TRIOBP: variants seen among roughly 807,000 people sequenced by gnomAD.
The protein encoded by TRIOBP is TRIO and F-actin binding protein.
In TRIOBP, 169 loss-of-function variants were observed where a neutral mutation model predicts 238.8. That is an observed-to-expected ratio of 0.71 (90% CI 0.62 to 0.80). The LOEUF is 0.80. Among genes scored for constraint, TRIOBP ranks in the 30% least tolerant of loss-of-function variants. The probability of loss-of-function intolerance (pLI) is 0.00; values close to 1 mark genes in which losing one functional copy is unlikely to be tolerated. For missense variants in TRIOBP, 2,838 were observed against 3,122.6 expected, an observed-to-expected ratio of 0.91 and a Z score of 2.17; for synonymous variants, 1,150 against 1,274.4, an observed-to-expected ratio of 0.90 and a Z score of 2.08.
intron 10 of TRIOBP, among the ~76,000 whole-genome samples, chr22:37,740,677 C>T (rs1003122953): frequency 3.9e-5 from 6 of 152,244 alleles, no homozygotes; most frequent in African/African-American, 1.4e-4. Flanking sequence ...GACGTGCACA[C>T]CTTCAAAGGT....
intron 17 of TRIOBP, among the ~76,000 whole-genome samples, chr22:37,764,961 A>G (rs929255643): frequency 2.4e-4 from 37 of 152,192 alleles, no homozygotes; most frequent in Admixed American, 2.2e-3. Context: ...GCAGGTCAGT[A>G]AATTACCCAG....
intron 4 of TRIOBP, among the ~76,000 whole-genome samples, chr22:37,711,448 A>G (rs1923229913): frequency 6.6e-6 from 1 of 151,934 alleles, no homozygotes; most frequent in African/African-American, 2.4e-5. Flanking sequence ...GCATGGTGGC[A>G]GGTGCCTGTA....
intron 17 of TRIOBP, among the ~76,000 whole-genome samples, chr22:37,762,727 C>T (rs922388110): frequency 4.6e-5 from 7 of 152,136 alleles, no homozygotes; most frequent in African/African-American, 1.4e-4. Context: ...AGAGCTGAGT[C>T]ATCTGTATCG....
In TRIOBP at chr22:37,771,745, T is replaced by C. The variant is rs1311378016; in HGVS notation, c.6936+9T>C. Reference sequence around the variant, plus strand: ...TCCAGATGATGCAGAAGGTAGGTCCTTCCGCTGGGCTGGGGGCCGTCGGGG... The same window carrying C: ...TCCAGATGATGCAGAAGGTAGGTCCCTCCGCTGGGCTGGGGGCCGTCGGGG... On this transcript the variant is annotated intron_variant, in intron 22 of 23. Coordinates refer to ENST00000644935, the MANE Select transcript of TRIOBP (RefSeq NM_001039141.3). 5 of 1,613,748 alleles carry C rather than the reference T, an allele frequency of 3.1e-6. No individual in the cohort carries two copies. In the South Asian group the frequency reaches 5.5e-5, roughly 18 times the overall value.
chr22:37,754,823 C>T (rs1451986917), intron 12 of TRIOBP, 54 bp from the exon 13 acceptor site: 2 of 1,583,634 alleles, frequency 1.3e-6, no homozygotes, highest in Non-Finnish European at 1.7e-6. Context: ...GGCAGCCACA[C>T]AGGACACCTG....
rs751440731 is a variant in TRIOBP at position 37,769,375 on chromosome 22, G to A, written c.6849G>A (p.Glu2283=). 2.5e-6 allele frequency: 4 copies of A among 1,600,024 alleles called. No homozygotes were observed. The African/African-American group carries it at 5.4e-5, about 21-fold the overall frequency. The change falls in exon 21 of 24, where the codon GAG becomes GAA. Residue 2283 remains glutamate, a splice_region_variant and synonymous_variant. Transcript: ENST00000644935. ...ACGAGCGGAGTTCCTGCGAGCTAGA[G>A]GTGAGTGTCCTCACTAGCACCAGGC... is the stretch of plus-strand genomic sequence containing the variant. ...RSNERSSCEL[E]VLLRVKENEL...
intron 17 of TRIOBP, among the ~76,000 whole-genome samples, chr22:37,764,641 G>A (rs556591107): frequency 6.6e-6 from 1 of 152,200 alleles, no homozygotes; most frequent in African/African-American, 2.4e-5. Context: ...CAGTGGGGTC[G>A]CAAAATGTGA....
rs1019235030 is a variant in TRIOBP at position 37,761,383 on chromosome 22, G to A, written c.6324+2119G>A. On this transcript the variant is annotated intron_variant, in intron 17 of 23. Transcript: ENST00000644935. ...GCAGGAGAATCGCTTGAACCCGGGA[G>A]GCAGAGGTTGCAGTGAGCTGAGATC... 5.9e-5 allele frequency among the ~76,000 whole-genome samples: 9 copies of A among 152,180 alleles called. 1 individual carries two copies. The highest frequency in any genetic ancestry group is 5.8e-4 in the East Asian group (3 of 5,196).
At chr22:37,738,165 T>C (rs915903985) in intron 9 of TRIOBP, among the ~76,000 whole-genome samples, 10 of 152,152 alleles carry the variant, frequency 6.6e-5, no homozygotes, top group African/African-American at 2.4e-4. Flanking sequence ...GAATGAATAA[T>C]AGACATCTTT....
chr22:37,761,864 A>G (rs1926261348), intron 17 of TRIOBP, among the ~76,000 whole-genome samples: 1 of 151,874 alleles, frequency 6.6e-6, no homozygotes, highest in Non-Finnish European at 1.5e-5. Flanking sequence ...TGTGCCCTGT[A>G]GCCTCCCACC....
intron 22 of TRIOBP, 104 bp from the exon 23 acceptor site, chr22:37,772,497 G>A (rs1926832964): frequency 3.3e-6 from 5 of 1,529,294 alleles, no homozygotes; most frequent in South Asian, 1.1e-5. Flanking sequence ...GGGATGAAGC[G>A]AGGTATCTGC....
At chr22:37,753,978 C>T (rs796238477) in intron 12 of TRIOBP, among the ~76,000 whole-genome samples, 2 of 152,274 alleles carry the variant, frequency 1.3e-5, no homozygotes, top group African/African-American at 4.8e-5. Context: ...CCACCCCTTT[C>T]CTACATGTCC....
intron 3 of TRIOBP, among the ~76,000 whole-genome samples, chr22:37,703,319 A>G (rs1278799613): frequency 6.6e-6 from 1 of 151,934 alleles, no homozygotes; most frequent in Non-Finnish European, 1.5e-5. Flanking sequence ...AAGTTATTGA[A>G]GGAGTGAAGA....
At position 37,726,489 on chromosome 22, in the gene TRIOBP, C is replaced by A; in HGVS notation, c.3933C>A (p.Phe1311Leu). 1 of 1,521,782 alleles carries A rather than the reference C, an allele frequency of 6.6e-7. No individual in the cohort carries two copies. Among genetic ancestry groups the A allele is most frequent in the Non-Finnish European group, 8.8e-7 (1 of 1,140,488 alleles). 94.3% of individuals were successfully genotyped at this position (1,521,782 alleles called of 1,614,324 possible). The change falls in exon 7 of 24, where the codon TTC becomes TTA. Residue 1311 changes from phenylalanine to leucine, a missense_variant. Phe to Leu is a conservative substitution (Grantham distance 22, BLOSUM62 0). Around this residue, in one of 5 missense-constraint regions of TRIOBP, gnomAD observed 2,096 missense variants for 2,137.4 expected, o/e 0.98. Transcript: ENST00000644935. ...GCCGTGCAGAGGTGGAGCGCCTCTT[C>A]GGGCAAGAGCGCAGGTGAGCCCGGG... The part of the protein sequence containing the change: ...SPGRAEVERL[F>L]GQERRKSEAA...
chr22:37,757,893 T>G lies in TRIOBP; in HGVS notation c.5968T>G (p.Phe1990Val). The change falls in exon 16 of 24, where the codon TTT becomes GTT. Residue 1990 changes from phenylalanine to valine, a missense_variant. By Grantham distance (50) the Phe-to-Val change is conservative. This residue lies in a region of TRIOBP where 2,096 missense variants were observed against 2,137.4 expected (regional missense o/e 0.98). Coordinates refer to ENST00000644935, the MANE Select transcript of TRIOBP (RefSeq NM_001039141.3). Reference sequence around the variant, plus strand: ...GCGCTCCGAGGAGCGGCGCAAGTGGTTTGAGGCCACAGACAGCAGGACCCC... The same window carrying G: ...GCGCTCCGAGGAGCGGCGCAAGTGGGTTGAGGCCACAGACAGCAGGACCCC... ...AQRSEERRKW[F>V]EATDSRTPEV... 6.4e-7 allele frequency: 1 copy of G among 1,553,276 alleles called. No individual in the cohort carries two copies. The highest frequency in any genetic ancestry group is 1.2e-5 in the South Asian group (1 of 84,380).
chr22:37,765,618 C>T (rs1214230873), intron 17 of TRIOBP, 52 bp from the exon 18 acceptor site: 11 of 1,546,730 alleles, frequency 7.1e-6, no homozygotes, highest in African/African-American at 1.4e-5. Context: ...GGGGAAGGGC[C>T]GCTGTCCAGA....
chr22:37,720,810 A>G (rs919171755), intron 6 of TRIOBP, among the ~76,000 whole-genome samples: 2 of 151,968 alleles, frequency 1.3e-5, no homozygotes, highest in Non-Finnish European at 2.9e-5. Context: ...ACTACCAGGC[A>G]TGAAACGTAT....
chr22:37,743,800 AATGTGTGTGT>A (rs1219228256), intron 11 of TRIOBP, among the ~76,000 whole-genome samples: 2 of 55,338 alleles, frequency 3.6e-5, no homozygotes, highest in East Asian at 4.8e-4. Context: ...AGAGAGAGAG[AATGTGTGTGT>A]GTGTGTGTGT....
In TRIOBP at chr22:37,734,611, G is replaced by C; in HGVS notation, c.4275G>C (p.Gly1425=). Residue 1425 remains glycine (G), a synonymous_variant, in exon 9 of 24, where the codon GGG becomes GGC. Coordinates refer to ENST00000644935, the MANE Select transcript of TRIOBP (RefSeq NM_001039141.3). ...SGQAGPRQPL[G]VWQSQEEPPG... Reference sequence around the variant, plus strand: ...AAGCAGGCCCAAGACAGCCTCTGGGGGTGTGGCAGAGTCAGGAGGAACCGC... The same window carrying C: ...AAGCAGGCCCAAGACAGCCTCTGGGCGTGTGGCAGAGTCAGGAGGAACCGC... The C allele has an allele frequency of 6.3e-7, 1 of 1,582,996 alleles. No homozygotes were observed. The highest frequency in any genetic ancestry group is 8.6e-7 in the Non-Finnish European group (1 of 1,164,880).
Sources: allele counts gnomAD v4.1 joint callset (sites outside exome capture counted in the v4.1 genomes callset), GRCh38; gene constraint gnomAD v4.1.1; regional missense constraint gnomAD v4.1.1; transcripts MANE v1.5; gene names NCBI Gene and HGNC (gene_info 2026-07-23, HGNC 2026-07-21).